Variants in SGCD observed in about 807,000 individuals in gnomAD.
SGCD encodes the protein sarcoglycan delta, also known as delta-sarcoglycan.
A neutral mutation model predicts 36.6 loss-of-function variants in SGCD; 18 were observed. The observed-to-expected ratio is 0.49, with a 90% CI of 0.34 to 0.73. The LOEUF is 0.73. Among genes scored for constraint, SGCD ranks in the 30% least tolerant of loss-of-function variants. The pLI is 0.01. For missense variants in SGCD, 387 were observed against 346.7 expected, an observed-to-expected ratio of 1.12 and a Z score of -0.92; for synonymous variants, 133 against 130.6, an observed-to-expected ratio of 1.02 and a Z score of -0.12.
At position 155,898,236 on chromosome 5, in the gene SGCD, G is replaced by A. The variant is rs188635373; in HGVS notation, c.-282+27812G>A. ...TCAGATGACTTTGGAACCAATGCAG[G>A]CTACAACATGGAACATATTTTTCTT... On this transcript the variant is annotated intron_variant, in intron 1 of 9. Transcript: ENST00000517913. Among the ~76,000 whole-genome samples the A allele has an allele frequency of 1.9e-3, 295 of 152,190 alleles. 1 individual carries two copies. Among genetic ancestry groups the A allele is most frequent in the Non-Finnish European group, 3.4e-3 (229 of 68,024 alleles).
intron 1 of SGCD, among the ~76,000 whole-genome samples, chr5:156,058,850 A>G (rs2127583148): frequency 6.8e-6 from 1 of 146,010 alleles, no homozygotes; most frequent in South Asian, 2.2e-4. Context: ...GTAGGAATAT[A>G]GATGAAACAA....
chr5:156,328,109 G>A (rs938086000), intron 1 of SGCD, among the ~76,000 whole-genome samples: 1 of 152,144 alleles, frequency 6.6e-6, no homozygotes, highest in Non-Finnish European at 1.5e-5. Context: ...AAAATTTTCA[G>A]CACAACAGGG....
chr5:155,834,264 A>G, the SGCD span, among the ~76,000 whole-genome samples: 1 of 152,232 alleles, frequency 6.6e-6, no homozygotes, highest in Non-Finnish European at 1.5e-5. Context: ...GAGCCTGCAC[A>G]TAAAAAGTGC....
intron 3 of SGCD, among the ~76,000 whole-genome samples, chr5:156,468,355 A>G (rs1369302185): frequency 1.3e-5 from 2 of 151,870 alleles, no homozygotes; most frequent in African/African-American, 4.8e-5. Flanking sequence ...AAAAAAAAAA[A>G]AAAAAAAGAT....
At chr5:156,321,140 C>T (rs1436540032) in intron 3 of SGCD, among the ~76,000 whole-genome samples, 1 of 152,170 alleles carries the variant, frequency 6.6e-6, no homozygotes, top group African/African-American at 2.4e-5. Context: ...ACAAAAACGG[C>T]TGGGCGCAGT....
upstream of SGCD, among the ~76,000 whole-genome samples, chr5:156,322,668 C>T (rs1767703077): frequency 6.6e-6 from 1 of 152,156 alleles, no homozygotes; most frequent in Non-Finnish European, 1.5e-5. Flanking sequence ...CAGGCAATTT[C>T]TAGGAAACAG....
At chr5:156,356,087 C>T (rs190302375) in intron 3 of SGCD, among the ~76,000 whole-genome samples, 1 of 152,336 alleles carries the variant, frequency 6.6e-6, no homozygotes, top group East Asian at 1.9e-4. Context: ...AATTTCTAAT[C>T]TTCATTCATT....
the SGCD span, among the ~76,000 whole-genome samples, chr5:155,734,383 ATT>A: frequency 6.6e-6 from 1 of 150,896 alleles, no homozygotes; most frequent in African/African-American, 2.4e-5. Flanking sequence ...TAATTTTTGC[ATT>A]TTTTTTGTAG....
intron 3 of SGCD, chr5:156,393,699 A>G: frequency 2.2e-6 from 1 of 455,794 alleles, no homozygotes; most frequent in Non-Finnish European, 4.4e-6. Flanking sequence ...TCCCAGAGCC[A>G]TTGGTACATA....
intron 1 of SGCD, among the ~76,000 whole-genome samples, chr5:155,992,825 T>A (rs1758460873): frequency 6.6e-6 from 1 of 152,180 alleles, no homozygotes; most frequent in Admixed American, 6.5e-5. Context: ...TAATTATGCC[T>A]TTTTATTTTA....
At chr5:155,837,641 C>G in the SGCD span, among the ~76,000 whole-genome samples, 1 of 152,262 alleles carries the variant, frequency 6.6e-6, no homozygotes, top group South Asian at 2.1e-4. Context: ...ATGCACAAGC[C>G]CCTTCAGGTC....
chr5:156,296,052 G>A (rs756944400), intron 3 of SGCD, among the ~76,000 whole-genome samples: 1 of 152,206 alleles, frequency 6.6e-6, no homozygotes, highest in Non-Finnish European at 1.5e-5. Context: ...ATCTGTTGGG[G>A]TCTAAGGCAT....
At chr5:156,460,335 T>C (rs1046369057) in intron 3 of SGCD, among the ~76,000 whole-genome samples, 6 of 152,198 alleles carry the variant, frequency 3.9e-5, no homozygotes, top group Non-Finnish European at 5.9e-5. Context: ...TTTAAAGGTT[T>C]AAAATTTTAG....
chr5:155,768,932 C>G, the SGCD span, among the ~76,000 whole-genome samples: 5 of 152,074 alleles, frequency 3.3e-5, no homozygotes, highest in Non-Finnish European at 2.9e-5. Flanking sequence ...AAAGAGACAA[C>G]CAAATTGCTG....
At chr5:155,731,936 A>C in the SGCD span, among the ~76,000 whole-genome samples, 3 of 152,178 alleles carry the variant, frequency 2.0e-5, no homozygotes, top group Admixed American at 1.3e-4. Context: ...TTCGTAAGAG[A>C]TACTCTTTAA....
chr5:156,251,637 C>T (rs1435316833), intron 3 of SGCD, among the ~76,000 whole-genome samples: 1 of 151,976 alleles, frequency 6.6e-6, no homozygotes, highest in Non-Finnish European at 1.5e-5. Context: ...GCCTCAGCCT[C>T]CCCAGTAGCT....
intron 2 of SGCD, among the ~76,000 whole-genome samples, chr5:156,123,666 T>TA (rs1331927106): frequency 6.6e-5 from 10 of 151,728 alleles, no homozygotes; most frequent in Non-Finnish European, 1.2e-4. Flanking sequence ...TACTATGAAA[T>TA]TTTTTTTTGG....
chr5:155,959,918 G>A (rs1757756608), intron 1 of SGCD, among the ~76,000 whole-genome samples: 1 of 152,044 alleles, frequency 6.6e-6, no homozygotes, highest in African/African-American at 2.4e-5. Flanking sequence ...ATTTCAGAAG[G>A]CTTTCAGAAG....
At position 155,999,363 on chromosome 5, in the gene SGCD, G is replaced by T. The variant is rs10476228; in HGVS notation, c.-281-118515G>T. 4.2e-3 allele frequency among the ~76,000 whole-genome samples: 645 copies of T among 152,278 alleles called. 9 individuals carry two copies. Among genetic ancestry groups the T allele is most frequent in the African/African-American group, 0.015 (622 of 41,550 alleles). On this transcript the variant is annotated intron_variant, in intron 1 of 9. Coordinates refer to the SGCD transcript ENST00000517913. ...TGGGTTTGGTGTCCACTCCATCTTG[G>T]TATGCCCTGCCCCTCACCCCACAGG...
Sources: gnomAD v4.1 joint callset for allele counts (sites outside exome capture counted in the v4.1 genomes callset) on GRCh38, gnomAD v4.1.1 for gene constraint, MANE v1.5 for transcripts, NCBI Gene and HGNC (gene_info 2026-07-23, HGNC 2026-07-21) for gene names.